The following UBR2 variants were observed in gnomAD, a reference collection of about 807,000 sequenced individuals.
UBR2 encodes ubiquitin protein ligase E3 component n-recognin 2.
A neutral mutation model predicts 247.9 loss-of-function variants in UBR2; 92 were observed. The ratio of observed to expected loss-of-function variants is 0.37; its 90% CI spans 0.31 to 0.44. UBR2 has a LOEUF of 0.44. Among genes scored for constraint, UBR2 ranks in the 20% least tolerant of loss-of-function variants. The pLI, the probability that UBR2 is intolerant of heterozygous loss-of-function variation, is 1.00. For missense variants in UBR2, 1,613 were observed against 2,112.6 expected, an observed-to-expected ratio of 0.76 and a Z score of 4.64; for synonymous variants, 672 against 693.5, an observed-to-expected ratio of 0.97 and a Z score of 0.49.
intron 28 of UBR2, 26 bp from the exon 29 acceptor site, chr6:42,658,620 T>C: frequency 1.3e-6 from 2 of 1,572,120 alleles, no homozygotes; most frequent in Non-Finnish European, 1.7e-6. Context: ...CATCTAATTG[T>C]CTAATTGAAT....
At chr6:42,690,036 G>A (rs1375988487) in intron 46 of UBR2, among the ~76,000 whole-genome samples, 7 of 152,114 alleles carry the variant, frequency 4.6e-5, no homozygotes, top group Non-Finnish European at 1.0e-4. Context: ...AATCTTAATT[G>A]CTAACAAATG....
At chr6:42,646,853 G>A (rs903734775) in intron 21 of UBR2, among the ~76,000 whole-genome samples, 2 of 149,760 alleles carry the variant, frequency 1.3e-5, no homozygotes, top group Admixed American at 6.7e-5. Flanking sequence ...ATAGAGTCTG[G>A]CTTGGTCACC....
Position 42,620,942 on chromosome 6 carries a change from C to G in UBR2, c.1281+3435C>G, listed in dbSNP as rs545461226. On this transcript the variant is annotated intron_variant, in intron 11 of 46. Coordinates refer to ENST00000372901, the MANE Select transcript of UBR2 (RefSeq NM_001363705.2). Reference sequence around the variant, plus strand: ...TCCTCGGCCTCCTGAGTAGCTGGGGCTACAGGCGTGTGTGACCATACCTGG... The same window carrying G: ...TCCTCGGCCTCCTGAGTAGCTGGGGGTACAGGCGTGTGTGACCATACCTGG... Among the ~76,000 whole-genome samples the G allele has an allele frequency of 5.9e-5, 9 of 152,080 alleles. No homozygotes were observed. The South Asian group carries it at 1.7e-3, about 28-fold the overall frequency.
intron 2 of UBR2, among the ~76,000 whole-genome samples, chr6:42,586,538 CTTTTTTTTTTT>C (rs147830824): frequency 1.0e-5 from 1 of 97,256 alleles, no homozygotes; most frequent in Non-Finnish European, 1.9e-5. Context: ...GTTTGTCTCT[CTTTTTTTTTTT>C]TTTTTTTTTG....
In UBR2 at chr6:42,617,303, G is replaced by T. The variant is rs1431472683; in HGVS notation, c.1183-106G>T. On this transcript the variant is annotated intron_variant, in intron 10 of 46. Transcript: ENST00000372901. ...TCACGAGCGAGCAGTGTCGGTGACT[G>T]CTCTATCTGTCCAGTTCTTCACCGC... 6 of 1,613,972 alleles carry T rather than the reference G, an allele frequency of 3.7e-6. No homozygotes were observed. Among genetic ancestry groups the T allele is most frequent in the African/African-American group, 1.3e-5 (1 of 74,892 alleles).
In UBR2 at chr6:42,641,617, T is replaced by C. The variant is rs1796455260; in HGVS notation, c.1956T>C (p.Pro652=). The C allele has an allele frequency of 6.2e-7, 1 of 1,603,054 alleles. No homozygotes were observed. The highest frequency in any genetic ancestry group is 1.4e-5 in the African/African-American group (1 of 73,922). ...GCCCACCCATGTTGATAGAACACCCTCTTAGATGTCTTGTTCTGTGTGCCC... is the reference window on the plus strand; with the variant it reads ...GCCCACCCATGTTGATAGAACACCCCCTTAGATGTCTTGTTCTGTGTGCCC... ...ELSPPMLIEH[P]LRCLVLCAQV... Residue 652 remains proline (P), a synonymous_variant, in exon 17 of 47, where the codon CCT becomes CCC. Coordinates refer to ENST00000372901, the MANE Select transcript of UBR2 (RefSeq NM_001363705.2).
chr6:42,644,134 A>G (rs12198323), intron 18 of UBR2, 80 bp from the exon 19 acceptor site: 316,536 of 1,436,890 alleles, frequency 0.22, 36,019 homozygotes, highest in Middle Eastern at 0.26. Flanking sequence ...AAGCCAAACT[A>G]TCTCTCACTA....
At chr6:42,592,670 C>T (rs1056967199) in intron 3 of UBR2, among the ~76,000 whole-genome samples, 2 of 152,126 alleles carry the variant, frequency 1.3e-5, no homozygotes, top group African/African-American at 4.8e-5. Flanking sequence ...TATTCCAAAT[C>T]CTGTCCTGGT....
In UBR2 at chr6:42,693,010, G is replaced by A. The variant is rs1202049608; in HGVS notation, c.*1837G>A. 6.6e-6 allele frequency: 1 copy of A among 152,082 alleles called. No homozygotes were observed. Among genetic ancestry groups the A allele is most frequent in the Non-Finnish European group, 1.5e-5 (1 of 68,024 alleles). 9.4% of individuals were successfully genotyped at this position (152,082 alleles called of 1,614,324 possible). A position where few individuals can be genotyped will look rare whatever the true frequency, so the allele number is the denominator to read the frequency against. On this transcript the variant is annotated 3_prime_UTR_variant, in exon 47 of 47. Coordinates refer to ENST00000372901, the MANE Select transcript of UBR2 (RefSeq NM_001363705.2). The stretch of plus-strand genomic sequence containing the variant: ...CACATCCAGTTTCTTTAGCTTTTAA[G>A]GTAAGCTTCTTTTGGCTTTTTTTCA...
chr6:42,607,712 G>GT lies in UBR2; in HGVS notation c.864+1083dup, dbSNP rs370045491. Among the ~76,000 whole-genome samples the GT allele has an allele frequency of 8.4e-3, 425 of 50,770 alleles. 2 individuals carry two copies. Among genetic ancestry groups the GT allele is most frequent in the South Asian group, 0.019 (28 of 1,508 alleles). The allele number at this position is 50,770 out of a possible 152,430, so 33.3% of individuals were successfully genotyped here. ...CAGGCATGTCCCACCACTCCCAGCT[G>GT]TTTTTTTTTTTTTTTTTTTTTTAGT... On this transcript the variant is annotated intron_variant, in intron 7 of 46. Coordinates refer to ENST00000372901, the MANE Select transcript of UBR2 (RefSeq NM_001363705.2).
In UBR2 at chr6:42,615,072, T is replaced by A; in HGVS notation, c.987T>A (p.Asp329Glu). Residue 329 changes from aspartate (D) to glutamate (E), a missense_variant and splice_region_variant, in exon 9 of 47, where the codon GAT (aspartate) becomes GAA (glutamate). Around this residue, in one of 3 missense-constraint regions of UBR2, gnomAD observed 1,524 missense variants for 1,967.3 expected, o/e 0.77. Coordinates refer to ENST00000372901, the MANE Select transcript of UBR2 (RefSeq NM_001363705.2). ...SWLGSIIGYS[D>E]GLRRILCQVG... is the part of the protein sequence containing the mutation. ...TTCTACCTTTCCTTCTATTTAAAGA[T>A]GGCCTTCGCCGGATTTTATGTCAAG... is the stretch of plus-strand genomic sequence containing the variant. The A allele has an allele frequency of 6.2e-7, 1 of 1,612,150 alleles. No homozygotes were observed. The highest frequency in any genetic ancestry group is 2.2e-5 in the East Asian group (1 of 44,780).
At chr6:42,615,925 A>G in intron 9 of UBR2, 77 bp from the exon 10 acceptor site, 1 of 1,106,536 alleles carries the variant, frequency 9.0e-7, no homozygotes, top group Non-Finnish European at 1.3e-6. Flanking sequence ...AAAAAAACCC[A>G]CTGTGGATCA....
At chr6:42,642,355 G>T (rs962980773) in intron 17 of UBR2, 61 bp from the exon 18 acceptor site, 1 of 1,203,088 alleles carries the variant, frequency 8.3e-7, no homozygotes, top group Non-Finnish European at 1.2e-6. Context: ...TTTGGGGAAG[G>T]ATTAGAGAGA....
At position 42,652,559 on chromosome 6, in the gene UBR2, G is replaced by C. The variant is rs535570214; in HGVS notation, c.2683G>C (p.Asp895His). The change falls in exon 25 of 47, where the codon GAT (aspartate) becomes CAT (histidine). Residue 895 changes from aspartate to histidine, a missense_variant. Around this residue, in one of 3 missense-constraint regions of UBR2, gnomAD observed 1,524 missense variants for 1,967.3 expected, o/e 0.77. Transcript: ENST00000372901. The stretch of plus-strand genomic sequence containing the variant: ...AAGCCTGGTTAACATTTTGCAGTCA[G>C]ATGTCATGTTGTGCATCATGGGAAC... ...FASLVNILQS[D>H]VMLCIMGTIL... is the part of the protein sequence containing the mutation. 12 of 1,613,696 alleles carry C rather than the reference G, an allele frequency of 7.4e-6. No homozygotes were observed. In the East Asian group the frequency reaches 1.8e-4, roughly 24 times the overall value.
Position 42,689,630 on chromosome 6 carries a change from C to G in UBR2, c.5086C>G (p.Pro1696Ala), listed in dbSNP as rs760851431. The G allele has an allele frequency of 1.9e-6, 3 of 1,614,124 alleles. No homozygotes were observed. The highest frequency in any genetic ancestry group is 2.5e-6 in the Non-Finnish European group (3 of 1,180,014). The change falls in exon 46 of 47, where the codon CCT becomes GCT. Residue 1696 changes from proline (P) to alanine (A), a missense_variant. This residue lies in a region of UBR2 where 80 missense variants were observed against 108.6 expected (regional missense o/e 0.74). Coordinates refer to ENST00000372901, the MANE Select transcript of UBR2 (RefSeq NM_001363705.2). The surrounding 1 kb of genome is among the most constrained non-coding windows in gnomAD (Gnocchi z 4.0). ...AACCAAAGGCTGTTTTTATTCTCCT[C>G]CTTACCTTGATGACTATGGGGAGAC... ...GKTKGCFYSPPYLDDYGETDQ... is the reference protein window; with the variant it reads ...GKTKGCFYSPAYLDDYGETDQ...
At chr6:42,663,196 T>C (rs1373252310) in intron 31 of UBR2, 62 bp from the exon 32 acceptor site, 2 of 1,342,032 alleles carry the variant, frequency 1.5e-6, no homozygotes, top group Admixed American at 5.3e-5. Flanking sequence ...ATGTTGAAGC[T>C]TATGGCTGTC....
chr6:42,672,893 G>A (rs922801024), intron 36 of UBR2, among the ~76,000 whole-genome samples: 2 of 152,020 alleles, frequency 1.3e-5, no homozygotes, highest in East Asian at 1.9e-4. Flanking sequence ...CCAAGACCTA[G>A]TGTATATAGT....
chr6:42,664,943 C>T (rs1255875941), intron 32 of UBR2, among the ~76,000 whole-genome samples: 1 of 152,180 alleles, frequency 6.6e-6, no homozygotes, highest in Non-Finnish European at 1.5e-5. Context: ...CCTCAGTTTC[C>T]TCATCTGTAA....
At chr6:42,652,772 G>A in intron 25 of UBR2, 127 bp downstream of exon 25, 3 of 879,366 alleles carry the variant, frequency 3.4e-6, no homozygotes, top group Non-Finnish European at 5.1e-6. Context: ...TGAATATATT[G>A]TTACTGCTTT....
Sources: allele counts gnomAD v4.1 joint callset (sites outside exome capture counted in the v4.1 genomes callset), GRCh38; gene constraint gnomAD v4.1.1; regional missense constraint gnomAD v4.1.1; non-coding constraint Gnocchi (gnomAD v3.1); transcripts MANE v1.5; gene names NCBI Gene and HGNC (gene_info 2026-07-23, HGNC 2026-07-21).